The following EPN1 variants were observed in gnomAD, a reference collection of about 807,000 sequenced individuals.
EPN1 encodes the protein epsin-1.
EPN1 carries 25 observed loss-of-function variants against 56.9 expected under a neutral mutation model. The ratio of observed to expected loss-of-function variants is 0.44; its 90% CI spans 0.32 to 0.61. EPN1 has a LOEUF of 0.61. EPN1 is among the 20% of genes least tolerant of loss of function. The pLI is 0.05. For synonymous variants in EPN1, 411 were observed against 361.8 expected (o/e 1.14, Z -1.54); for missense variants, 785 against 823.7 (o/e 0.95, Z 0.58).
In EPN1 at chr19:55,694,852, C is replaced by T. The variant is rs375466027; in HGVS notation, c.1391C>T (p.Thr464Met). ...CCACCTGCAGCCACACCAACTCCCA[C>T]GCCCCCCACCCGGAAGACGCCGGAG... ...SPPPAATPTP[T>M]PPTRKTPESF... Residue 464 changes from threonine to methionine, a missense_variant, in exon 10 of 11, where the codon ACG becomes ATG. Transcript: ENST00000270460. This position sits in a 1 kb window ranked among gnomAD's most constrained non-coding sequence, Gnocchi z 4.2. The T allele has an allele frequency of 1.3e-5, 21 of 1,608,484 alleles. No individual in the cohort carries two copies. The highest frequency in any genetic ancestry group is 1.3e-5 in the African/African-American group (1 of 74,800).
At chr19:55,692,118 C>T (rs1021116386) in intron 7 of EPN1, 61 bp downstream of exon 7, 3 of 1,366,024 alleles carry the variant, frequency 2.2e-6, no homozygotes, top group African/African-American at 3.0e-5. Flanking sequence ...CTTTGGTTGA[C>T]TGTGCCCTTG....
rs778920721 is a variant in EPN1, at chr19:55,689,956, C to T, written c.762+6C>T. The T allele has an allele frequency of 1.8e-5, 29 of 1,591,350 alleles. 1 individual carries two copies. In the South Asian group the frequency reaches 2.1e-4, roughly 11 times the overall value. ...AGACTGGGGGCAAGGAGGAGGTGAG[C>T]GGGGCTTGTTCTGCCCTCCCTGGCC... is the stretch of plus-strand genomic sequence containing the variant. On this transcript the variant is annotated splice_donor_region_variant and intron_variant, in intron 6 of 10. Coordinates refer to ENST00000270460, the MANE Select transcript of EPN1 (RefSeq NM_001130072.2). This position sits in a 1 kb window ranked among gnomAD's most constrained non-coding sequence, Gnocchi z 5.7.
rs1207879606 is a variant in EPN1 at position 55,691,749 on chromosome 19, C to G, written c.763-5C>G. The stretch of plus-strand genomic sequence containing the variant: ...CATGCTCCTTCTCTTCTCTCTCCCC[C>G]ACAGTCGTCCCTCATGGACCTTGCT... On this transcript the variant is annotated splice_polypyrimidine_tract_variant and splice_region_variant and intron_variant, in intron 6 of 10. Coordinates refer to ENST00000270460, the MANE Select transcript of EPN1 (RefSeq NM_001130072.2). This position sits in a 1 kb window ranked among gnomAD's most constrained non-coding sequence, Gnocchi z 5.6. 6.2e-7 allele frequency: 1 copy of G among 1,609,718 alleles called. No individual in the cohort carries two copies. The highest frequency in any genetic ancestry group is 8.5e-7 in the Non-Finnish European group (1 of 1,177,756).
rs113119622 is a variant in EPN1 at position 55,703,339 on chromosome 19, T to C, written c.*7983T>C. 9,655 of 152,118 alleles carry C rather than the reference T, an allele frequency of 0.063. 446 individuals carry two copies. Among genetic ancestry groups the C allele is most frequent in the Non-Finnish European group, 0.097 (6,621 of 68,038 alleles). The allele number at this position is 152,118 out of a possible 1,614,324, so 9.4% of individuals were successfully genotyped here. On this transcript the variant is annotated 3_prime_UTR_variant, in exon 11 of 11. Transcript: ENST00000270460. The stretch of plus-strand genomic sequence containing the variant: ...GGGGATTCTCACTTTTTTTTAAAAT[T>C]TGAGATGGAGTTTCACTGTCGTCAC...
At position 55,708,933 on chromosome 19, in the gene EPN1, C is replaced by T; in HGVS notation, c.*13577C>T. The T allele has an allele frequency of 6.4e-7, 1 of 1,566,404 alleles. No individual in the cohort carries two copies. Among genetic ancestry groups the T allele is most frequent in the Non-Finnish European group, 8.6e-7 (1 of 1,162,364 alleles). On this transcript the variant is annotated 3_prime_UTR_variant, in exon 11 of 11. Coordinates refer to ENST00000270460, the MANE Select transcript of EPN1 (RefSeq NM_001130072.2). ...CCCATCAGAGGAGCACACCCCTGATCTTGTATTCCTCGTCAATCCAAGGTC... is the reference window on the plus strand; with the variant it reads ...CCCATCAGAGGAGCACACCCCTGATTTTGTATTCCTCGTCAATCCAAGGTC...
At chr19:55,693,095 G>A (rs1986687531) in intron 9 of EPN1, 58 bp downstream of exon 9, 1 of 1,539,334 alleles carries the variant, frequency 6.5e-7, no homozygotes, top group Non-Finnish European at 9.0e-7. Context: ...AGCTCTTCGG[G>A]AGCCCCGTCC....
In EPN1 at chr19:55,685,714, G is replaced by A. The variant is rs573889634; in HGVS notation, c.478+69G>A. On this transcript the variant is annotated intron_variant, in intron 3 of 10. Transcript: ENST00000270460. The stretch of plus-strand genomic sequence containing the variant: ...CCGCCTACTGCGGCTCCCGGCACCC[G>A]GCCGCCCACTGCTTTCTCTCCCAGC... The A allele has an allele frequency of 2.0e-5, 31 of 1,519,162 alleles. No individual in the cohort carries two copies. The Middle Eastern group carries it at 6.7e-4, about 33-fold the overall frequency. 94.1% of individuals were successfully genotyped at this position (1,519,162 alleles called of 1,614,324 possible). A position where few individuals can be genotyped will look rare whatever the true frequency, so the allele number is the denominator to read the frequency against.
chr19:55,676,920 G>T, intron 1 of EPN1: 1 of 444,174 alleles, frequency 2.3e-6, no homozygotes, highest in Non-Finnish European at 4.0e-6. Flanking sequence ...TGTCAGAACT[G>T]TCTTCTATTT....
Position 55,707,437 on chromosome 19 carries a change from C to T in EPN1, c.*12081C>T, listed in dbSNP as rs1206066377. ...CAGGGGTATGTTCTCCATGTTGAGC[C>T]CCTTCTGTGGAATATGACAGTGTCT... On this transcript the variant is annotated 3_prime_UTR_variant, in exon 11 of 11. Transcript: ENST00000270460. 1 of 152,360 alleles carries T rather than the reference C, an allele frequency of 6.6e-6. No individual in the cohort carries two copies. Among genetic ancestry groups the T allele is most frequent in the Non-Finnish European group, 1.5e-5 (1 of 68,198 alleles). 9.4% of individuals were successfully genotyped at this position (152,360 alleles called of 1,614,324 possible).
Position 55,689,847 on chromosome 19 carries a change from TCGTGCC to T in EPN1, c.679-12_679-7del. On this transcript the variant is annotated splice_polypyrimidine_tract_variant and intron_variant, in intron 5 of 10. Transcript: ENST00000270460. This position sits in a 1 kb window ranked among gnomAD's most constrained non-coding sequence, Gnocchi z 5.7. ...GGCTCACGTTCTCATGTCTCCCTGG[TCGTGCC>T]CGTGCCCCAACAGGAGGAGCGGATC... 1 of 1,586,080 alleles carries T rather than the reference TCGTGCC, an allele frequency of 6.3e-7. No individual in the cohort carries two copies. Among genetic ancestry groups the T allele is most frequent in the African/African-American group, 1.3e-5 (1 of 74,506 alleles).
Position 55,705,808 on chromosome 19 carries a change from G to GATATATATATATATATTATATATAT in EPN1, c.*10468_*10469insTATATATATATATATATATATATAT. The GATATATATATATATATTATATATAT allele has an allele frequency of 9.7e-6, 1 of 103,170 alleles. No individual in the cohort carries two copies. Among genetic ancestry groups the GATATATATATATATATTATATATAT allele is most frequent in the South Asian group, 2.9e-4 (1 of 3,424 alleles). The allele number at this position is 103,170 out of a possible 1,614,324, so 6.4% of individuals were successfully genotyped here. A position where few individuals can be genotyped will look rare whatever the true frequency, so the allele number is the denominator to read the frequency against. The stretch of plus-strand genomic sequence containing the variant: ...GTGGCTGGAATATTTGTTGTTGTGG[G>GATATATATATATATATTATATATAT]ATATATATATATATATATATTTAGA... On this transcript the variant is annotated 3_prime_UTR_variant, in exon 11 of 11. Transcript: ENST00000270460.
At position 55,688,887 on chromosome 19, in the gene EPN1, G is replaced by A; in HGVS notation, c.496G>A (p.Gly166Ser). Residue 166 changes from glycine (G) to serine (S), a missense_variant, in exon 4 of 11, where the codon GGC becomes AGC. By Grantham distance (56) the Gly-to-Ser change is moderately conservative. Transcript: ENST00000270460. Reference protein sequence around the residue: ...QTATASSAAVGSGPPPEAEQA... With the variant: ...QTATASSAAVSSGPPPEAEQA... ...CCCTCCAGCCTCATCAGCAGCTGTG[G>A]GCTCAGGCCCCCCTCCCGAGGCGGA... 6.3e-7 allele frequency: 1 copy of A among 1,579,094 alleles called. No individual in the cohort carries two copies. Among genetic ancestry groups the A allele is most frequent in the South Asian group, 1.2e-5 (1 of 86,274 alleles).
At chr19:55,683,054 C>T (rs1985930444) in intron 2 of EPN1, among the ~76,000 whole-genome samples, 1 of 150,748 alleles carries the variant, frequency 6.6e-6, no homozygotes, top group Non-Finnish European at 1.5e-5. Context: ...CGCGCCCAGC[C>T]TGTTTTTTGT....
In EPN1 at chr19:55,705,689, T is replaced by C. The variant is rs1987355935; in HGVS notation, c.*10333T>C. On this transcript the variant is annotated 3_prime_UTR_variant, in exon 11 of 11. Transcript: ENST00000270460. ...ATCCCCGAACATTATCAGAGTCAAG[T>C]TAATAAAGGCCAAAGGTAGAGAAAA... 6.6e-6 allele frequency: 1 copy of C among 151,926 alleles called. No homozygotes were observed. Among genetic ancestry groups the C allele is most frequent in the South Asian group, 2.1e-4 (1 of 4,806 alleles). The allele number at this position is 151,926 out of a possible 1,614,324, so 9.4% of individuals were successfully genotyped here. A position where few individuals can be genotyped will look rare whatever the true frequency, so the allele number is the denominator to read the frequency against.
rs564139577 is a variant in EPN1, at chr19:55,698,463, C to T, written c.*3107C>T. 12 of 152,464 alleles carry T rather than the reference C, an allele frequency of 7.9e-5. No individual in the cohort carries two copies. The East Asian group carries it at 1.4e-3, about 17-fold the overall frequency. The allele number at this position is 152,464 out of a possible 1,614,324, so 9.4% of individuals were successfully genotyped here. A position where few individuals can be genotyped will look rare whatever the true frequency, so the allele number is the denominator to read the frequency against. ...TCCTGGAGCCCGTAGGAGCTTCATCCGAGCTCCTGGGTCACCCCGCCCACC... is the reference window on the plus strand; with the variant it reads ...TCCTGGAGCCCGTAGGAGCTTCATCTGAGCTCCTGGGTCACCCCGCCCACC... On this transcript the variant is annotated 3_prime_UTR_variant, in exon 11 of 11. Transcript: ENST00000270460.
rs1987374793 is a variant in EPN1 at position 55,705,843 on chromosome 19, G to T, written c.*10487G>T. 1 of 142,834 alleles carries T rather than the reference G, an allele frequency of 7.0e-6. No homozygotes were observed. Among genetic ancestry groups the T allele is most frequent in the Non-Finnish European group, 1.5e-5 (1 of 65,716 alleles). The allele number at this position is 142,834 out of a possible 1,614,324, so 8.8% of individuals were successfully genotyped here. On this transcript the variant is annotated 3_prime_UTR_variant, in exon 11 of 11. Transcript: ENST00000270460. ...TATATATATATTTAGAGTGTTGTGG[G>T]ATATATATATATATTTAGAGACAAG...
rs1157963220 is a variant in EPN1 at position 55,706,736 on chromosome 19, A to AT, written c.*11382dup. On this transcript the variant is annotated 3_prime_UTR_variant, in exon 11 of 11. Coordinates refer to ENST00000270460, the MANE Select transcript of EPN1 (RefSeq NM_001130072.2). ...ATTTAAAAAACAATAGTAAAGAGAG[A>AT]TTAAAAAAAAAAAGTAAATGGGCCA... 1.3e-4 allele frequency: 20 copies of AT among 151,654 alleles called. No individual in the cohort carries two copies. The highest frequency in any genetic ancestry group is 1.3e-3 in the Admixed American group (19 of 15,158). 9.4% of individuals were successfully genotyped at this position (151,654 alleles called of 1,614,324 possible).
chr19:55,678,554 A>G lies in EPN1; in HGVS notation c.-74A>G, dbSNP rs778554427. 3.2e-6 allele frequency: 5 copies of G among 1,549,154 alleles called. No homozygotes were observed. The Admixed American group carries it at 5.9e-5, about 18-fold the overall frequency. ...GCGGTGACCTGCCAGCACCTGCCGCAGCCTTCGTCCGGGAGTCGCCCCATC... is the reference window on the plus strand; with the variant it reads ...GCGGTGACCTGCCAGCACCTGCCGCGGCCTTCGTCCGGGAGTCGCCCCATC... On this transcript the variant is annotated 5_prime_UTR_variant, in exon 2 of 11. Transcript: ENST00000270460.
Position 55,689,141 on chromosome 19 carries a change from C to T in EPN1, c.603+147C>T. 1.3e-5 allele frequency: 16 copies of T among 1,266,788 alleles called. No individual in the cohort carries two copies. The South Asian group carries it at 2.2e-4, about 17-fold the overall frequency. The allele number at this position is 1,266,788 out of a possible 1,614,324, so 78.5% of individuals were successfully genotyped here. A position where few individuals can be genotyped will look rare whatever the true frequency, so the allele number is the denominator to read the frequency against. ...CTCCTCCCCAGTCCTGCCTCATCCT[C>T]ACCCCGCCGTCCCTCTGCGTGTCAC... On this transcript the variant is annotated intron_variant, in intron 4 of 10. Transcript: ENST00000270460. The surrounding 1 kb of genome is among the most constrained non-coding windows in gnomAD (Gnocchi z 5.7).
Sources: allele counts gnomAD v4.1 joint callset (sites outside exome capture counted in the v4.1 genomes callset), GRCh38; gene constraint gnomAD v4.1.1; non-coding constraint Gnocchi (gnomAD v3.1); transcripts MANE v1.5; gene names NCBI Gene and HGNC (gene_info 2026-07-23, HGNC 2026-07-21).